Variants in PYGO1 observed in about 807,000 individuals in gnomAD.
The protein encoded by PYGO1 is pygopus homolog 1.
Under a neutral mutation model 29.5 loss-of-function variants are expected in PYGO1, and 6 were observed. The observed-to-expected ratio is 0.20, with a 90% CI of 0.11 to 0.40. PYGO1 has a LOEUF of 0.40. Among genes scored for constraint, PYGO1 ranks in the 10% least tolerant of loss-of-function variants. PYGO1 has a pLI of 1.00. For synonymous variants in PYGO1, 186 were observed against 180.5 expected, an observed-to-expected ratio of 1.03 and a Z score of -0.24; for missense variants, 515 against 514.9, an observed-to-expected ratio of 1.00 and a Z score of 0.00.
chr15:55,580,840 G>A (rs2059022272), intron 1 of PYGO1, among the ~76,000 whole-genome samples: 1 of 152,140 alleles, frequency 6.6e-6, no homozygotes, highest in Admixed American at 6.5e-5. Flanking sequence ...AAACAAGAAT[G>A]TCAGAAGACA....
chr15:55,553,063 G>C (rs1470817280), intron 1 of PYGO1, among the ~76,000 whole-genome samples: 1 of 152,152 alleles, frequency 6.6e-6, no homozygotes, highest in Non-Finnish European at 1.5e-5. Flanking sequence ...GCTGGCACTG[G>C]GGAGTCCAGG....
At chr15:55,583,194 G>C (rs894805558) in intron 1 of PYGO1, among the ~76,000 whole-genome samples, 1 of 151,980 alleles carries the variant, frequency 6.6e-6, no homozygotes, top group Non-Finnish European at 1.5e-5. Context: ...TAGAAACCTT[G>C]TCTGTCTCAT....
Position 55,569,255 on chromosome 15 carries a change from T to C in PYGO1, c.49+18580A>G, listed in dbSNP as rs137859919. Among the ~76,000 whole-genome samples the C allele has an allele frequency of 1.8e-3, 277 of 152,280 alleles. 9 individuals carry two copies. The East Asian group carries it at 0.048, about 26-fold the overall frequency. The stretch of plus-strand genomic sequence containing the variant: ...GGTGTTTGTTTGTTTCATTGATACT[T>C]TGTATGGATTTTGGTGTCTCAATTT... On this transcript the variant is annotated intron_variant, in intron 1 of 2. Transcript: ENST00000563719.
At chr15:55,587,187 T>C (rs535661426) in intron 1 of PYGO1, among the ~76,000 whole-genome samples, 1 of 152,312 alleles carries the variant, frequency 6.6e-6, no homozygotes, top group South Asian at 2.1e-4. Flanking sequence ...CTGATTTTTC[T>C]TAGATGATAG....
intron 1 of PYGO1, among the ~76,000 whole-genome samples, chr15:55,579,167 G>A (rs7182121): frequency 0.055 from 8,364 of 152,070 alleles, 290 homozygotes; most frequent in Non-Finnish European, 0.068. Flanking sequence ...TCAGTAGTCC[G>A]TATAAAATGA....
rs1313198329 is a variant in PYGO1 at position 55,541,665 on chromosome 15, T to C, written c.*4358A>G. On this transcript the variant is annotated 3_prime_UTR_variant, in exon 3 of 3. Transcript: ENST00000563719. ...CCACACAAAGACACAGGATTTCTGA[T>C]GGGAGGAAAGATATAAAATGTTGAA... 2.6e-5 allele frequency: 4 copies of C among 152,326 alleles called. No homozygotes were observed. The highest frequency in any genetic ancestry group is 4.4e-5 in the Non-Finnish European group (3 of 68,024). The allele number at this position is 152,326 out of a possible 1,614,324, so 9.4% of individuals were successfully genotyped here.
intron 1 of PYGO1, among the ~76,000 whole-genome samples, chr15:55,565,956 A>G (rs2058954534): frequency 6.6e-6 from 1 of 152,052 alleles, no homozygotes; most frequent in Non-Finnish European, 1.5e-5. Context: ...TAATTTTTGT[A>G]TTTTTAGTAG....
At chr15:55,566,959 TG>T (rs1168345773) in intron 1 of PYGO1, among the ~76,000 whole-genome samples, 1 of 152,070 alleles carries the variant, frequency 6.6e-6, no homozygotes, top group Non-Finnish European at 1.5e-5. Context: ...CTCGAACTCC[TG>T]GGCTCAAGCA....
Position 55,540,009 on chromosome 15 carries a change from G to C in PYGO1, c.*6014C>G, listed in dbSNP as rs2058822492. 6.6e-6 allele frequency: 1 copy of C among 151,992 alleles called. No individual in the cohort carries two copies. Among genetic ancestry groups the C allele is most frequent in the African/African-American group, 2.4e-5 (1 of 41,486 alleles). The allele number at this position is 151,992 out of a possible 1,614,324, so 9.4% of individuals were successfully genotyped here. A position where few individuals can be genotyped will look rare whatever the true frequency, so the allele number is the denominator to read the frequency against. ...GATTTCAAATGTACAAATTTGCATT[G>C]GCCAAGTATTACTTATTACAATTCT... On this transcript the variant is annotated 3_prime_UTR_variant, in exon 3 of 3. Coordinates refer to ENST00000563719, the MANE Select transcript of PYGO1 (RefSeq NM_001367806.1).
At chr15:55,551,315 A>T (rs770144910) in intron 1 of PYGO1, among the ~76,000 whole-genome samples, 2 of 152,182 alleles carry the variant, frequency 1.3e-5, no homozygotes, top group Non-Finnish European at 2.9e-5. Flanking sequence ...CAGTTGTATT[A>T]ATTTTCTATT....
At chr15:55,588,962 G>T, upstream of PYGO1, 1 of 953,064 alleles carries the variant, frequency 1.0e-6, no homozygotes. Flanking sequence ...AAGAAAGAGC[G>T]ACGTAGAATA....
At chr15:55,588,971 T>C, upstream of PYGO1, 1 of 801,064 alleles carries the variant, frequency 1.2e-6, no homozygotes, top group Non-Finnish European at 2.0e-6. Context: ...CGACGTAGAA[T>C]AAATACCAGA....
Position 55,539,265 on chromosome 15 carries a change from AAGG to A in PYGO1, c.*6755_*6757del, listed in dbSNP as rs1387844350. On this transcript the variant is annotated 3_prime_UTR_variant, in exon 3 of 3. Transcript: ENST00000563719. ...TTGTGTTAAATATCTCAAAAAGAAA[AAGG>A]AGAATTGGCTTACCATTATTTAAGT... The A allele has an allele frequency of 2.6e-5, 4 of 152,180 alleles. No individual in the cohort carries two copies. The East Asian group carries it at 7.7e-4, about 29-fold the overall frequency. 9.4% of individuals were successfully genotyped at this position (152,180 alleles called of 1,614,324 possible). A position where few individuals can be genotyped will look rare whatever the true frequency, so the allele number is the denominator to read the frequency against.
At chr15:55,584,106 C>CTT (rs61436067) in intron 1 of PYGO1, among the ~76,000 whole-genome samples, 1,672 of 123,114 alleles carry the variant, frequency 0.014, 17 homozygotes, top group Non-Finnish European at 0.021. Context: ...GGTGTCATAC[C>CTT]TTTTTTTTTT....
intron 1 of PYGO1, among the ~76,000 whole-genome samples, chr15:55,571,003 A>G (rs2058977823): frequency 6.6e-6 from 1 of 152,162 alleles, no homozygotes; most frequent in African/African-American, 2.4e-5. Flanking sequence ...AACTATATCC[A>G]TCAAGCAACA....
At chr15:55,587,719 G>A (rs1397388159) in intron 1 of PYGO1, 116 bp downstream of exon 1, 5 of 1,204,230 alleles carry the variant, frequency 4.2e-6, no homozygotes, top group Non-Finnish European at 5.2e-6. Flanking sequence ...CCGGCGGGAC[G>A]CGGGCTGCGC....
At chr15:55,578,664 T>A (rs1196037424) in intron 1 of PYGO1, among the ~76,000 whole-genome samples, 1 of 152,206 alleles carries the variant, frequency 6.6e-6, no homozygotes, top group Non-Finnish European at 1.5e-5. Context: ...TTTGGAGAAA[T>A]GTCTATTCAA....
chr15:55,563,702 G>A (rs780492144), intron 1 of PYGO1, among the ~76,000 whole-genome samples: 2 of 152,076 alleles, frequency 1.3e-5, no homozygotes, highest in African/African-American at 2.4e-5. Flanking sequence ...TCTATCACCC[G>A]AGCAGTGTAC....
intron 2 of PYGO1, among the ~76,000 whole-genome samples, chr15:55,547,480 C>T (rs1039186505): frequency 6.6e-6 from 1 of 152,144 alleles, no homozygotes; most frequent in Non-Finnish European, 1.5e-5. Flanking sequence ...TTACCTATAA[C>T]TCTAGAAACT....
Sources: gnomAD v4.1 joint callset for allele counts (sites outside exome capture counted in the v4.1 genomes callset) on GRCh38, gnomAD v4.1.1 for gene constraint, MANE v1.5 for transcripts, NCBI Gene and HGNC (gene_info 2026-07-23, HGNC 2026-07-21) for gene names.